The following SEMA5A variants were observed in gnomAD, a reference collection of about 807,000 sequenced individuals.
The protein encoded by SEMA5A is semaphorin 5A, also known as semaphorin-5A.
SEMA5A carries 55 observed loss-of-function variants against 135.5 expected under a neutral mutation model. That is an observed-to-expected ratio of 0.41 (90% CI 0.33 to 0.51). The LOEUF is 0.51. SEMA5A is among the 20% of genes least tolerant of loss of function. The pLI is 0.37. For synonymous variants in SEMA5A, 580 were observed against 546.5 expected (o/e 1.06, Z -0.85); for missense variants, 1,290 against 1,419.9 (o/e 0.91, Z 1.47).
chr5:9,279,488 T>C (rs1396115831), intron 5 of SEMA5A, among the ~76,000 whole-genome samples: 1 of 152,146 alleles, frequency 6.6e-6, no homozygotes, highest in Non-Finnish European at 1.5e-5. Flanking sequence ...GGGGGATTGT[T>C]GGGAAGCCCT....
chr5:9,239,539 T>C (rs539972407), intron 5 of SEMA5A, among the ~76,000 whole-genome samples: 3 of 152,264 alleles, frequency 2.0e-5, no homozygotes, highest in East Asian at 3.9e-4. Context: ...CTTTCTTAGA[T>C]CTCTTTACAA....
At chr5:9,083,647 CT>C (rs1738519205) in intron 16 of SEMA5A, among the ~76,000 whole-genome samples, 2 of 152,016 alleles carry the variant, frequency 1.3e-5, no homozygotes, top group African/African-American at 4.8e-5. Context: ...TCAGTTATCA[CT>C]GTTGGAACAT....
intron 3 of SEMA5A, among the ~76,000 whole-genome samples, chr5:9,354,268 C>A (rs771917790): frequency 1.3e-5 from 2 of 152,168 alleles, no homozygotes; most frequent in African/African-American, 4.8e-5. Flanking sequence ...TGTTTCCCAG[C>A]GTGGGACGAA....
chr5:9,302,611 A>G (rs1036495261), intron 5 of SEMA5A, among the ~76,000 whole-genome samples: 6 of 152,200 alleles, frequency 3.9e-5, no homozygotes, highest in African/African-American at 1.2e-4. Flanking sequence ...TGCAATGTTC[A>G]TCAAGGCATG....
At chr5:9,363,800 C>T (rs1334758023) in intron 3 of SEMA5A, among the ~76,000 whole-genome samples, 1 of 152,198 alleles carries the variant, frequency 6.6e-6, no homozygotes, top group Non-Finnish European at 1.5e-5. Context: ...AGACTCAGAG[C>T]TGCCAAGGGT....
chr5:9,428,361 G>A (rs1286723819), intron 2 of SEMA5A, among the ~76,000 whole-genome samples: 1 of 152,092 alleles, frequency 6.6e-6, no homozygotes, highest in Non-Finnish European at 1.5e-5. Flanking sequence ...TGTTTAATAT[G>A]TACTCCTTGA....
In SEMA5A at chr5:9,050,692, G is replaced by A. The variant is rs376905065; in HGVS notation, c.2846-235C>T. Among the ~76,000 whole-genome samples, 12 of 152,346 alleles carry A rather than the reference G, an allele frequency of 7.9e-5. No homozygotes were observed. The East Asian group carries it at 1.5e-3, about 20-fold the overall frequency. ...AGATAAGATTCATTTATCACAGAAA[G>A]ATAATGCTATGGTCTCTCAGGCTGA... On this transcript the variant is annotated intron_variant, in intron 20 of 22. Transcript: ENST00000382496.
chr5:9,325,963 T>G (rs756180444), intron 4 of SEMA5A, among the ~76,000 whole-genome samples: 18 of 152,236 alleles, frequency 1.2e-4, no homozygotes, highest in Non-Finnish European at 2.2e-4. Context: ...AAAGACATTT[T>G]AACAATGTTG....
intron 2 of SEMA5A, among the ~76,000 whole-genome samples, chr5:9,423,399 A>G (rs1398734396): frequency 6.6e-6 from 1 of 152,208 alleles, no homozygotes; most frequent in Non-Finnish European, 1.5e-5. Context: ...GTTCTTGATC[A>G]TTGTGCAGTA....
At chr5:9,465,046 T>A (rs1759204510) in intron 1 of SEMA5A, among the ~76,000 whole-genome samples, 1 of 150,636 alleles carries the variant, frequency 6.6e-6, no homozygotes, top group Non-Finnish European at 1.5e-5. Flanking sequence ...TGTAAAACTG[T>A]GTAACATGAG....
rs1281830226 is a variant in SEMA5A, at chr5:9,337,726, C to A, written c.211G>T (p.Val71Phe). 1 of 1,609,288 alleles carries A rather than the reference C, an allele frequency of 6.2e-7. No homozygotes were observed. The highest frequency in any genetic ancestry group is 1.3e-5 in the African/African-American group (1 of 74,830). ...AATATCTCTCACCTTGCTCCTACAA[C>A]AAGTTCTTTCTGTCCTGGGTCAAAT... The part of the protein sequence containing the change: ...LTFDPGQKEL[V>F]VGARNYLFRL... The change falls in exon 4 of 23, where the codon GTT (valine) becomes TTT (phenylalanine). Residue 71 changes from valine (V) to phenylalanine (F), a missense_variant. By Grantham distance (50) the Val-to-Phe change is conservative (BLOSUM62 -1). Around this residue, in one of 3 missense-constraint regions of SEMA5A, gnomAD observed 116 missense variants for 121.3 expected, o/e 0.96. Transcript: ENST00000382496.
chr5:9,361,699 A>G (rs3797997), intron 3 of SEMA5A, among the ~76,000 whole-genome samples: 4,191 of 152,298 alleles, frequency 0.028, 133 homozygotes, highest in East Asian at 0.13. Context: ...AGGTTGGTGC[A>G]AAAGTAATTG....
In SEMA5A at chr5:9,510,501, T is replaced by C. The variant is rs374266634; in HGVS notation, c.-175+35083A>G. 3.2e-4 allele frequency among the ~76,000 whole-genome samples: 48 copies of C among 152,300 alleles called. 1 individual carries two copies. The East Asian group carries it at 5.4e-3, about 17-fold the overall frequency. On this transcript the variant is annotated intron_variant, in intron 1 of 22. Coordinates refer to ENST00000382496, the MANE Select transcript of SEMA5A (RefSeq NM_003966.3). ...TTTTTCAAGTTCTTTGTAAGAACTC[T>C]TTTACATAGCATTGTAAAAGATATT...
chr5:9,315,490 TC>T (rs2150660288), intron 5 of SEMA5A, among the ~76,000 whole-genome samples: 1 of 152,302 alleles, frequency 6.6e-6, no homozygotes, highest in African/African-American at 2.4e-5. Flanking sequence ...AAAAAATATA[TC>T]TGCTGCAAGA....
intron 11 of SEMA5A, among the ~76,000 whole-genome samples, chr5:9,157,538 C>T (rs967142834): frequency 2.7e-4 from 41 of 152,132 alleles, no homozygotes; most frequent in Non-Finnish European, 5.4e-4. Flanking sequence ...AGTTCTCGTC[C>T]ACCCGCCCCT....
At chr5:9,415,299 CT>C (rs1312188575) in intron 2 of SEMA5A, among the ~76,000 whole-genome samples, 1 of 152,188 alleles carries the variant, frequency 6.6e-6, no homozygotes, top group Non-Finnish European at 1.5e-5. Flanking sequence ...TGCTCAGCAT[CT>C]GGGGTTGCTG....
intron 5 of SEMA5A, among the ~76,000 whole-genome samples, chr5:9,267,717 A>G (rs1485881152): frequency 6.6e-6 from 1 of 152,140 alleles, no homozygotes; most frequent in African/African-American, 2.4e-5. Context: ...TAAAATAGTT[A>G]AAGATAAAAA....
intron 8 of SEMA5A, among the ~76,000 whole-genome samples, chr5:9,218,462 A>G (rs576490201): frequency 2.7e-4 from 41 of 152,334 alleles, no homozygotes; most frequent in African/African-American, 9.9e-4. Context: ...GGTTTGTCCA[A>G]TAACTATTGG....
At chr5:9,352,772 C>T (rs1047613937) in intron 3 of SEMA5A, among the ~76,000 whole-genome samples, 3 of 152,152 alleles carry the variant, frequency 2.0e-5, no homozygotes, top group African/African-American at 7.2e-5. Flanking sequence ...ATCCCATCAC[C>T]TGTTTTTGTT....
Sources: allele counts gnomAD v4.1 joint callset (sites outside exome capture counted in the v4.1 genomes callset), GRCh38; gene constraint gnomAD v4.1.1; regional missense constraint gnomAD v4.1.1; transcripts MANE v1.5; gene names NCBI Gene and HGNC (gene_info 2026-07-23, HGNC 2026-07-21).